The following SEMA6D variants were observed in gnomAD, a reference collection of about 807,000 sequenced individuals.
SEMA6D encodes semaphorin 6D.
Under a neutral mutation model 106.6 loss-of-function variants are expected in SEMA6D, and 35 were observed. That is an observed-to-expected ratio of 0.33 (90% CI 0.25 to 0.44). The LOEUF is 0.44. SEMA6D is among the 20% of genes least tolerant of loss of function. The probability of loss-of-function intolerance (pLI) is 1.00; values close to 1 mark genes in which losing one functional copy is unlikely to be tolerated. For synonymous variants in SEMA6D, 499 were observed against 487.7 expected (o/e 1.02, Z -0.31); for missense variants, 1,185 against 1,345.9 (o/e 0.88, Z 1.87).
intron 4 of SEMA6D, among the ~76,000 whole-genome samples, chr15:47,684,477 A>G (rs2145646006): frequency 6.6e-6 from 1 of 152,268 alleles, no homozygotes; most frequent in South Asian, 2.1e-4. Context: ...AACTATACTC[A>G]TTTTACAATT....
intron 1 of SEMA6D, among the ~76,000 whole-genome samples, chr15:47,725,453 T>G (rs1255616918): frequency 6.6e-6 from 1 of 152,340 alleles, no homozygotes; most frequent in East Asian, 1.9e-4. Flanking sequence ...AATCTCATTT[T>G]AAGGTTCCCA....
At chr15:47,575,386 A>G (rs544188741) in intron 3 of SEMA6D, among the ~76,000 whole-genome samples, 1 of 152,284 alleles carries the variant, frequency 6.6e-6, no homozygotes, top group South Asian at 2.1e-4. Context: ...GGGTAGGGTG[A>G]GGGCACAATG....
intron 1 of SEMA6D, among the ~76,000 whole-genome samples, chr15:47,191,493 T>C (rs1893956976): frequency 6.6e-6 from 1 of 152,154 alleles, no homozygotes; most frequent in South Asian, 2.1e-4. Context: ...TCAAGGCAAC[T>C]TGACTTCTTG....
chr15:47,403,778 G>A (rs547358549), intron 1 of SEMA6D, among the ~76,000 whole-genome samples: 2 of 152,222 alleles, frequency 1.3e-5, no homozygotes, highest in Admixed American at 6.5e-5. Context: ...CAGAGCGGCC[G>A]GTGTGGGAGA....
intron 1 of SEMA6D, chr15:47,730,643 T>G (rs1276423455): frequency 6.3e-7 from 1 of 1,596,950 alleles, no homozygotes; most frequent in Non-Finnish European, 8.6e-7. Context: ...TCTGTACTTG[T>G]GGGCCAGCTT....
chr15:47,442,402 A>G (rs1441063507), intron 2 of SEMA6D, among the ~76,000 whole-genome samples: 2 of 151,992 alleles, frequency 1.3e-5, no homozygotes, highest in Non-Finnish European at 2.9e-5. Context: ...ACAATTTTAT[A>G]TCTGTTCTAT....
At chr15:47,218,026 AC>A (rs1391365356) in intron 1 of SEMA6D, among the ~76,000 whole-genome samples, 3 of 152,072 alleles carry the variant, frequency 2.0e-5, no homozygotes, top group Non-Finnish European at 4.4e-5. Flanking sequence ...TGATTGGGTC[AC>A]TGACTTATTT....
intron 1 of SEMA6D, among the ~76,000 whole-genome samples, chr15:47,741,579 G>C (rs962431715): frequency 6.6e-6 from 1 of 152,144 alleles, no homozygotes; most frequent in East Asian, 1.9e-4. Context: ...AGCCGGGCGT[G>C]GTGGCACATG....
intron 1 of SEMA6D, among the ~76,000 whole-genome samples, chr15:47,357,030 G>A (rs1053482735): frequency 1.2e-4 from 18 of 152,108 alleles, no homozygotes; most frequent in African/African-American, 4.1e-4. Flanking sequence ...ATGCATTAAT[G>A]CTTACATAAA....
chr15:47,586,299 G>A (rs1407218809), intron 3 of SEMA6D, among the ~76,000 whole-genome samples: 1 of 152,070 alleles, frequency 6.6e-6, no homozygotes, highest in Non-Finnish European at 1.5e-5. Context: ...AAGTGATAGG[G>A]GCCTATTAGA....
intron 16 of SEMA6D, 134 bp from the exon 17 acceptor site, chr15:47,766,903 T>G: frequency 1.7e-6 from 1 of 603,232 alleles, no homozygotes; most frequent in Non-Finnish European, 2.9e-6. Context: ...TAGAGAGAGG[T>G]AGTCTAACCA....
At chr15:47,203,294 C>CT (rs1420087574) in intron 1 of SEMA6D, among the ~76,000 whole-genome samples, 1 of 152,120 alleles carries the variant, frequency 6.6e-6, no homozygotes, top group Non-Finnish European at 1.5e-5. Context: ...TCTTATCTGA[C>CT]TAAGAAAGCT....
At chr15:47,503,701 A>T (rs1384989972) in intron 3 of SEMA6D, among the ~76,000 whole-genome samples, 1 of 151,916 alleles carries the variant, frequency 6.6e-6, no homozygotes, top group Middle Eastern at 3.2e-3. Flanking sequence ...ACACACACAC[A>T]CACACACACA....
At chr15:47,300,435 T>G (rs2035975909) in intron 1 of SEMA6D, among the ~76,000 whole-genome samples, 5 of 146,200 alleles carry the variant, frequency 3.4e-5, no homozygotes, top group African/African-American at 7.8e-5. Context: ...CCTGGGGGGG[T>G]GGGCAGTGTT....
chr15:47,649,802 TGCTATACAATAGCTC>T (rs145098594), intron 4 of SEMA6D, among the ~76,000 whole-genome samples: 8,399 of 152,304 alleles, frequency 0.055, 793 homozygotes, highest in African/African-American at 0.19. Context: ...TCAAAGATAT[TGCTATACAATAGCTC>T]GTGGAGGCAG....
intron 1 of SEMA6D, among the ~76,000 whole-genome samples, chr15:47,287,423 G>C (rs1318691349): frequency 6.6e-6 from 1 of 152,174 alleles, no homozygotes; most frequent in Admixed American, 6.5e-5. Context: ...TTGAATGTCA[G>C]AGTCCTAGCT....
intron 2 of SEMA6D, among the ~76,000 whole-genome samples, chr15:47,452,849 A>C (rs997597913): frequency 6.6e-6 from 1 of 152,006 alleles, no homozygotes; most frequent in African/African-American, 2.4e-5. Context: ...TCAGTAATTT[A>C]TTATGGTATC....
intron 4 of SEMA6D, among the ~76,000 whole-genome samples, chr15:47,664,250 A>T (rs950491288): frequency 6.6e-6 from 1 of 152,128 alleles, no homozygotes; most frequent in African/African-American, 2.4e-5. Context: ...TGCCTATCTT[A>T]TGCTTTACAA....
In SEMA6D at chr15:47,767,101, T is replaced by A. The variant is rs748963347; in HGVS notation, c.1765+8T>A. 3 of 1,546,910 alleles carry A rather than the reference T, an allele frequency of 1.9e-6. No individual in the cohort carries two copies. The Admixed American group carries it at 5.5e-5, about 28-fold the overall frequency. ...TTGGCGGTCCAACATCTGGTTAGTTTTTTTTAATTTTTTTGAATTAACAAC... is the reference window on the plus strand; with the variant it reads ...TTGGCGGTCCAACATCTGGTTAGTTATTTTTAATTTTTTTGAATTAACAAC... On this transcript the variant is annotated splice_region_variant and intron_variant, in intron 17 of 18. Transcript: ENST00000536845.
Sources: gnomAD v4.1 joint callset for allele counts (sites outside exome capture counted in the v4.1 genomes callset) on GRCh38, gnomAD v4.1.1 for gene constraint, MANE v1.5 for transcripts, NCBI Gene and HGNC (gene_info 2026-07-23, HGNC 2026-07-21) for gene names.